BBIP1: variants seen among roughly 807,000 people sequenced by gnomAD.
The protein encoded by BBIP1 is BBSome-interacting protein 1.
A neutral mutation model predicts 8.9 loss-of-function variants in BBIP1; 6 were observed. The observed-to-expected ratio is 0.67, with a 90% CI of 0.37 to 1.33. The LOEUF is 1.33. Among genes scored for constraint, BBIP1 ranks in the 40% most tolerant of loss-of-function variants. The pLI is 0.02. For missense variants in BBIP1, 111 were observed against 109.2 expected, an observed-to-expected ratio of 1.02 and a Z score of -0.07; for synonymous variants, 32 against 33.4, an observed-to-expected ratio of 0.96 and a Z score of 0.14.
chr10:110,904,543 G>A (rs2134024130), intron 2 of BBIP1: 1 of 152,304 alleles, frequency 6.6e-6, no homozygotes, highest in South Asian at 2.1e-4. Flanking sequence ...AAAGTTAAAA[G>A]TCTGATAGTA....
At position 110,902,861 on chromosome 10, in the gene BBIP1, A is replaced by C. The variant is rs1211582873; in HGVS notation, c.38-1249T>G. On this transcript the variant is annotated intron_variant, in intron 2 of 3. Coordinates refer to ENST00000448814, the MANE Select transcript of BBIP1 (RefSeq NM_001195305.3). ...AATACACAATTTCCTTAGACTGCAC[A>C]GCTTCTCCTACCATATTCTTTTCTT... The C allele has an allele frequency of 3.3e-5, 5 of 152,300 alleles. No homozygotes were observed. In the East Asian group the frequency reaches 7.7e-4, roughly 24 times the overall value. The allele number at this position is 152,300 out of a possible 1,614,324, so 9.4% of individuals were successfully genotyped here. A position where few individuals can be genotyped will look rare whatever the true frequency, so the allele number is the denominator to read the frequency against.
At position 110,901,535 on chromosome 10, in the gene BBIP1, T is replaced by C. The variant is rs1205027624; in HGVS notation, c.112+3A>G. 2.0e-6 allele frequency: 3 copies of C among 1,527,720 alleles called. No homozygotes were observed. The highest frequency in any genetic ancestry group is 2.6e-6 in the Non-Finnish European group (3 of 1,139,212). The allele number at this position is 1,527,720 out of a possible 1,614,324, so 94.6% of individuals were successfully genotyped here. A position where few individuals can be genotyped will look rare whatever the true frequency, so the allele number is the denominator to read the frequency against. On this transcript the variant is annotated splice_donor_region_variant and intron_variant, in intron 3 of 3. Transcript: ENST00000448814. ...ATGACCTCAATATTTGTGATGTACA[T>C]ACCTTGCTTTGGAAGAACTTCCCGG...
At position 110,898,821 on chromosome 10, in the gene BBIP1, C is replaced by A. The variant is rs532537004; in HGVS notation, c.*1539G>T. 1 of 152,656 alleles carries A rather than the reference C, an allele frequency of 6.6e-6. No homozygotes were observed. Among genetic ancestry groups the A allele is most frequent in the South Asian group, 2.1e-4 (1 of 4,828 alleles). 9.5% of individuals were successfully genotyped at this position (152,656 alleles called of 1,614,324 possible). The stretch of plus-strand genomic sequence containing the variant: ...GTAAATTTTGAATCTCATAAGGAAG[C>A]ATATTTGAACCTAGTCAATTTAATC... On this transcript the variant is annotated 3_prime_UTR_variant, in exon 4 of 4. Coordinates refer to ENST00000448814, the MANE Select transcript of BBIP1 (RefSeq NM_001195305.3).
chr10:110,918,301 CTG>C (rs1401821848), intron 1 of BBIP1, 88 bp from the exon 2 acceptor site: 3 of 671,878 alleles, frequency 4.5e-6, no homozygotes, highest in Non-Finnish European at 7.6e-6. Flanking sequence ...GTTTAAGAAA[CTG>C]TAGACCTGCA....
At chr10:110,909,266 C>T (rs1226273143) in intron 2 of BBIP1, among the ~76,000 whole-genome samples, 1 of 151,864 alleles carries the variant, frequency 6.6e-6, no homozygotes, top group East Asian at 1.9e-4. Flanking sequence ...GGCGCGATCT[C>T]GGCTCACTGC....
chr10:110,915,417 T>C (rs1846379413), intron 2 of BBIP1, among the ~76,000 whole-genome samples: 2 of 152,096 alleles, frequency 1.3e-5, no homozygotes, highest in Non-Finnish European at 2.9e-5. Context: ...GCCTCCCAAA[T>C]TGTTAGGATT....
intron 2 of BBIP1, chr10:110,912,318 T>C (rs1488316760): frequency 6.6e-6 from 1 of 152,192 alleles, no homozygotes; most frequent in Non-Finnish European, 1.5e-5. Context: ...TCACTGAAAC[T>C]TTCAAATCCT....
chr10:110,906,824 T>C (rs1425554115), intron 2 of BBIP1: 1 of 152,348 alleles, frequency 6.6e-6, no homozygotes, highest in East Asian at 1.9e-4. Flanking sequence ...CCTCCCAAAG[T>C]GCTGGGATTA....
rs1845997120 is a variant in BBIP1, at chr10:110,901,362, C to G, written c.112+176G>C. ...ATTTTAGGTATAAGAAACAATGTTT[C>G]ATTTGTTATCCTTTTACTGGATGTC... is the stretch of plus-strand genomic sequence containing the variant. On this transcript the variant is annotated intron_variant, in intron 3 of 3. Coordinates refer to ENST00000448814, the MANE Select transcript of BBIP1 (RefSeq NM_001195305.3). The G allele has an allele frequency of 8.5e-6, 5 of 586,306 alleles. No individual in the cohort carries two copies. The East Asian group carries it at 1.4e-4, about 17-fold the overall frequency. The allele number at this position is 586,306 out of a possible 1,614,324, so 36.3% of individuals were successfully genotyped here.
At chr10:110,903,308 C>T (rs901120261) in intron 2 of BBIP1, 1 of 152,236 alleles carries the variant, frequency 6.6e-6, no homozygotes, top group African/African-American at 2.4e-5. Flanking sequence ...CTGACAAAAA[C>T]AATGAAACTT....
chr10:110,902,373 T>G (rs1281063568), intron 2 of BBIP1: 2 of 152,370 alleles, frequency 1.3e-5, no homozygotes. Flanking sequence ...CAAGGTGTTC[T>G]GGACTAAGCT....
In BBIP1 at chr10:110,899,159, T is replaced by C. The variant is rs796343911; in HGVS notation, c.*1201A>G. ...GATCATATTTTTAACCTCTTTTACA[T>C]AGCCTAATAACTCAGCAAGGCCTCA... On this transcript the variant is annotated 3_prime_UTR_variant, in exon 4 of 4. Transcript: ENST00000448814. 23 of 152,324 alleles carry C rather than the reference T, an allele frequency of 1.5e-4. No homozygotes were observed. The highest frequency in any genetic ancestry group is 5.3e-4 in the African/African-American group (22 of 41,572). 9.4% of individuals were successfully genotyped at this position (152,324 alleles called of 1,614,324 possible). A position where few individuals can be genotyped will look rare whatever the true frequency, so the allele number is the denominator to read the frequency against.
chr10:110,906,687 G>A (rs1846149687), intron 2 of BBIP1: 1 of 152,254 alleles, frequency 6.6e-6, no homozygotes, highest in South Asian at 2.1e-4. Flanking sequence ...AGACTCCCGA[G>A]TAGCTGGGAT....
intron 2 of BBIP1, among the ~76,000 whole-genome samples, chr10:110,905,456 G>T (rs569548116): frequency 4.6e-5 from 7 of 152,062 alleles, no homozygotes; most frequent in Non-Finnish European, 1.0e-4. Flanking sequence ...CAGCTACTCC[G>T]GAGGCTGAGG....
Position 110,900,285 on chromosome 10 carries a change from A to C in BBIP1, c.*75T>G. 1 of 1,333,724 alleles carries C rather than the reference A, an allele frequency of 7.5e-7. No individual in the cohort carries two copies. The allele number at this position is 1,333,724 out of a possible 1,614,324, so 82.6% of individuals were successfully genotyped here. On this transcript the variant is annotated 3_prime_UTR_variant, in exon 4 of 4. Transcript: ENST00000448814. ...ATTGATAACACATACTACTTTCAGC[A>C]CACAGAAGCATATTTTCTAGTTATT...
At chr10:110,905,279 G>C (rs1023950814) in intron 2 of BBIP1, among the ~76,000 whole-genome samples, 1 of 152,064 alleles carries the variant, frequency 6.6e-6, no homozygotes, top group African/African-American at 2.4e-5. Context: ...TCCCTGGTGT[G>C]GGGGCTGGGC....
At chr10:110,918,331 A>G (rs958733552) in intron 1 of BBIP1, 118 bp from the exon 2 acceptor site, 7 of 606,184 alleles carry the variant, frequency 1.2e-5, no homozygotes, top group African/African-American at 1.1e-4. Flanking sequence ...CACCACCAGA[A>G]CCGCAGTCAA....
At chr10:110,906,296 G>A (rs1452248596) in intron 2 of BBIP1, among the ~76,000 whole-genome samples, 1 of 152,302 alleles carries the variant, frequency 6.6e-6, no homozygotes, top group South Asian at 2.1e-4. Context: ...GTGAGCCACC[G>A]TGCCTGGCCT....
chr10:110,904,794 A>G (rs1005081297), intron 2 of BBIP1: 2 of 152,268 alleles, frequency 1.3e-5, no homozygotes, highest in African/African-American at 4.8e-5. Context: ...GGTTAAATAA[A>G]TCATGGAACA....
Sources: gnomAD v4.1 joint callset for allele counts (sites outside exome capture counted in the v4.1 genomes callset) on GRCh38, gnomAD v4.1.1 for gene constraint, MANE v1.5 for transcripts, NCBI Gene and HGNC (gene_info 2026-07-23, HGNC 2026-07-21) for gene names.